The following EPCAM variants were observed in gnomAD, a reference collection of about 807,000 sequenced individuals.
EPCAM encodes adenocarcinoma-associated antigen.
In EPCAM, 39 loss-of-function variants were observed where a neutral mutation model predicts 40.0. The ratio of observed to expected loss-of-function variants is 0.98; its 90% confidence interval spans 0.76 to 1.27. EPCAM has a LOEUF of 1.27. Among genes scored for constraint, EPCAM ranks in the 50% most tolerant of loss-of-function variants. EPCAM has a pLI of 0.00. For missense variants in EPCAM, 503 were observed against 381.2 expected (o/e 1.32, Z -2.66); for synonymous variants, 168 against 132.3 (o/e 1.27, Z -1.85).
Position 47,369,384 on chromosome 2 carries a change from C to T in EPCAM, c.-122C>T, listed in dbSNP as rs1215409818. On this transcript the variant is annotated 5_prime_UTR_variant, in exon 1 of 9. The change creates a new upstream start codon in the 5' untranslated region. Transcript: ENST00000263735. Reference sequence around the variant, plus strand: ...GACCCCCTCGTCGCTGTCCTCCCGACGCGGACCCGCGTGCCCCAGGCCTCG... The same window carrying T: ...GACCCCCTCGTCGCTGTCCTCCCGATGCGGACCCGCGTGCCCCAGGCCTCG... 76 of 1,194,054 alleles carry T rather than the reference C, an allele frequency of 6.4e-5. 2 individuals are homozygous for T. In the Middle Eastern group the frequency reaches 1.2e-3, roughly 18 times the overall value. The allele number at this position is 1,194,054 out of a possible 1,614,324, so 74.0% of individuals were successfully genotyped here.
chr2:47,375,533 T>C (rs930009332), intron 4 of EPCAM, among the ~76,000 whole-genome samples: 13 of 152,176 alleles, frequency 8.5e-5, no homozygotes, highest in African/African-American at 3.1e-4. Flanking sequence ...TGAATATGTG[T>C]GTGTGCTTTA....
intron 7 of EPCAM, among the ~76,000 whole-genome samples, chr2:47,384,893 G>A (rs1671697650): frequency 6.6e-6 from 1 of 152,070 alleles, no homozygotes; most frequent in African/African-American, 2.4e-5. Flanking sequence ...TTGTAGTAGA[G>A]ATGGGGTTTC....
In EPCAM at chr2:47,373,488, G is replaced by A. The variant is rs1347318798; in HGVS notation, c.102G>A (p.Leu34=). The part of the protein sequence containing the change: ...QEECVCENYK[L]AVNCFVNNNR... The stretch of plus-strand genomic sequence containing the variant: ...AATGTGTCTGTGAAAACTACAAGCT[G>A]GCCGTAAACTGCTTTGTGAATAATA... The change falls in exon 2 of 9, where the codon CTG becomes CTA. Residue 34 remains leucine, a synonymous_variant. Coordinates refer to ENST00000263735, the MANE Select transcript of EPCAM (RefSeq NM_002354.3). 1 of 1,612,546 alleles carries A rather than the reference G, an allele frequency of 6.2e-7. No individual in the cohort carries two copies. Among genetic ancestry groups the A allele is most frequent in the East Asian group, 2.2e-5 (1 of 44,862 alleles).
chr2:47,372,954 C>T (rs932759018), intron 1 of EPCAM, among the ~76,000 whole-genome samples: 4 of 151,754 alleles, frequency 2.6e-5, no homozygotes, highest in African/African-American at 9.7e-5. Flanking sequence ...GCCTGTAATC[C>T]CAGCACTTTG....
intron 7 of EPCAM, among the ~76,000 whole-genome samples, chr2:47,383,629 TTTTTTTTTTTTTTTTTTTTTTTTG>T: frequency 1.2e-5 from 1 of 86,614 alleles, no homozygotes; most frequent in African/African-American, 4.6e-5. Flanking sequence ...TTTTTTTTTT[TTTTTTTTTTTTTTTTTTTTTTTTG>T]AGATGGAGTC....
At chr2:47,379,360 GTC>G (rs1053732595) in intron 6 of EPCAM, among the ~76,000 whole-genome samples, 5 of 152,192 alleles carry the variant, frequency 3.3e-5, no homozygotes, top group Non-Finnish European at 5.9e-5. Context: ...ACAAATAAAA[GTC>G]TGTTAAAAAA....
chr2:47,380,025 A>C, intron 7 of EPCAM, 56 bp downstream of exon 7: 1 of 1,556,562 alleles, frequency 6.4e-7, no homozygotes, highest in African/African-American at 1.4e-5. Flanking sequence ...AAGAAAAAGT[A>C]ATAGTGGCTG....
intron 7 of EPCAM, among the ~76,000 whole-genome samples, chr2:47,382,411 G>A (rs1233948903): frequency 6.6e-6 from 1 of 152,242 alleles, no homozygotes; most frequent in African/African-American, 2.4e-5. Flanking sequence ...ATCTGGCCAG[G>A]CGTGGTGGCT....
At chr2:47,379,078 T>G (rs768668180) in intron 6 of EPCAM, 24 bp downstream of exon 6, 4 of 1,209,860 alleles carry the variant, frequency 3.3e-6, no homozygotes, top group Middle Eastern at 1.9e-4. Flanking sequence ...TCTTTATTCC[T>G]GTGTTCAGGA....
intron 7 of EPCAM, among the ~76,000 whole-genome samples, chr2:47,384,700 C>T (rs1010506336): frequency 6.6e-6 from 1 of 151,588 alleles, no homozygotes; most frequent in Non-Finnish European, 1.5e-5. Flanking sequence ...AGCCACCACG[C>T]CCAGCCCACC....
rs746068800 is a variant in EPCAM, at chr2:47,379,970, G to C, written c.858+1G>C. 12 of 1,609,804 alleles carry C rather than the reference G, an allele frequency of 7.5e-6. No individual in the cohort carries two copies. The highest frequency in any genetic ancestry group is 1.0e-5 in the Non-Finnish European group (12 of 1,177,592). ...AGTTGTTGCTGGAATTGTTGTGCTG[G>C]TGAGTACAGAACAAGTAAAATTTCA... is the stretch of plus-strand genomic sequence containing the variant. On this transcript the variant is annotated splice_donor_variant, in intron 7 of 8. Transcript: ENST00000263735. LOFTEE classifies it high-confidence loss of function.
At chr2:47,384,645 T>C (rs933769860) in intron 7 of EPCAM, among the ~76,000 whole-genome samples, 2 of 152,088 alleles carry the variant, frequency 1.3e-5, no homozygotes, top group Non-Finnish European at 2.9e-5. Flanking sequence ...CTTGACCTCC[T>C]GACCTCAAGT....
At chr2:47,376,254 C>CTTTTTT (rs57201109) in intron 4 of EPCAM, among the ~76,000 whole-genome samples, 1 of 128,344 alleles carries the variant, frequency 7.8e-6, no homozygotes, top group Admixed American at 7.9e-5. Flanking sequence ...ATATTTCCTC[C>CTTTTTT]TTTTTTTTTT....
rs536592392 is a variant in EPCAM at position 47,379,387 on chromosome 2, T to C, written c.657+333T>C. Among the ~76,000 whole-genome samples the C allele has an allele frequency of 3.9e-5, 6 of 152,358 alleles. No individual in the cohort carries two copies. In the South Asian group the frequency reaches 1.0e-3, roughly 26 times the overall value. ...CTGTTAAAAAAGACTGTAACTGATA[T>C]GATTAAAATATTTTGTTGAAACTTT... On this transcript the variant is annotated intron_variant, in intron 6 of 8. Transcript: ENST00000263735.
intron 8 of EPCAM, among the ~76,000 whole-genome samples, chr2:47,386,272 T>G (rs539059643): frequency 1.3e-5 from 2 of 152,284 alleles, no homozygotes; most frequent in East Asian, 3.9e-4. Context: ...GTAAATCAAT[T>G]TTTTCTAGCA....
chr2:47,370,903 G>C (rs1349750086), intron 1 of EPCAM, among the ~76,000 whole-genome samples: 2 of 151,946 alleles, frequency 1.3e-5, no homozygotes, highest in Non-Finnish European at 1.5e-5. Flanking sequence ...TTGTAGAGAG[G>C]GGTTTCGCCA....
rs1478577885 is a variant in EPCAM at position 47,382,959 on chromosome 2, A to T, written c.859-2207A>T. Among the ~76,000 whole-genome samples, 5 of 151,492 alleles carry T rather than the reference A, an allele frequency of 3.3e-5. No individual in the cohort carries two copies. The East Asian group carries it at 9.7e-4, about 30-fold the overall frequency. ...ATTTGTATTAGTGTGGAAAAGGAGG[A>T]TGTGGAAGAATGCACACCAAACTGT... On this transcript the variant is annotated intron_variant, in intron 7 of 8. Transcript: ENST00000263735.
chr2:47,382,881 G>A (rs1040142959), intron 7 of EPCAM, among the ~76,000 whole-genome samples: 1 of 152,080 alleles, frequency 6.6e-6, no homozygotes, highest in Non-Finnish European at 1.5e-5. Flanking sequence ...TGATGATACT[G>A]CATGGTCCCA....
chr2:47,377,655 G>T, intron 5 of EPCAM: 1 of 298,628 alleles, frequency 3.3e-6, no homozygotes, highest in Non-Finnish European at 6.8e-6. Context: ...TTATCCTGGA[G>T]AACCTGTCCC....
Sources: gnomAD v4.1 joint callset for allele counts (sites outside exome capture counted in the v4.1 genomes callset) on GRCh38, gnomAD v4.1.1 for gene constraint, MANE v1.5 for transcripts, NCBI Gene and HGNC (gene_info 2026-07-23, HGNC 2026-07-21) for gene names.